The following LRRC7 variants were observed in gnomAD, a reference collection of about 807,000 sequenced individuals.
LRRC7 encodes the protein leucine-rich repeat-containing protein 7.
LRRC7 carries 23 observed loss-of-function variants against 175.7 expected under a neutral mutation model. That is an observed-to-expected ratio of 0.13 (90% CI 0.09 to 0.19). The LOEUF (loss-of-function observed/expected upper bound fraction) is 0.19, where lower values mean the gene tolerates loss of function less well. LRRC7 is among the 10% of genes least tolerant of loss of function. LRRC7 has a pLI of 1.00. For missense variants in LRRC7, 1,354 were observed against 1,904.7 expected, an observed-to-expected ratio of 0.71 and a Z score of 5.38; for synonymous variants, 685 against 680.9, an observed-to-expected ratio of 1.01 and a Z score of -0.09.
intron 8 of LRRC7, among the ~76,000 whole-genome samples, chr1:69,939,528 C>T (rs1168435435): frequency 2.6e-5 from 4 of 152,074 alleles, no homozygotes; most frequent in Non-Finnish European, 5.9e-5. Flanking sequence ...TAGAGCCTAA[C>T]ATGGAGCCAC....
At chr1:70,029,362 T>A (rs11209585) in intron 18 of LRRC7, among the ~76,000 whole-genome samples, 2 of 151,892 alleles carry the variant, frequency 1.3e-5, no homozygotes, top group African/African-American at 4.8e-5. Context: ...AGGGTGATTC[T>A]GTTAAAGAGG....
At chr1:69,899,431 G>C (rs895371700) in intron 7 of LRRC7, among the ~76,000 whole-genome samples, 1 of 152,092 alleles carries the variant, frequency 6.6e-6, no homozygotes, top group African/African-American at 2.4e-5. Flanking sequence ...AGATGCCAGG[G>C]AGCCAATAAA....
chr1:69,705,322 A>C (rs1247956613), intron 2 of LRRC7, among the ~76,000 whole-genome samples: 2 of 152,164 alleles, frequency 1.3e-5, no homozygotes, highest in Non-Finnish European at 2.9e-5. Context: ...GGACACTGGT[A>C]GAAGCACAGC....
chr1:70,003,342 C>A (rs1364709156), intron 11 of LRRC7, among the ~76,000 whole-genome samples: 1 of 152,096 alleles, frequency 6.6e-6, no homozygotes, highest in African/African-American at 2.4e-5. Context: ...AACATTCAGT[C>A]CATAACATAT....
At chr1:69,885,032 G>C (rs959938433) in intron 7 of LRRC7, among the ~76,000 whole-genome samples, 11 of 142,220 alleles carry the variant, frequency 7.7e-5, no homozygotes, top group African/African-American at 2.7e-4. Flanking sequence ...ATTTTATTGA[G>C]GATTTTTGCA....
At chr1:69,796,318 T>C (rs907783435) in intron 4 of LRRC7, among the ~76,000 whole-genome samples, 3 of 151,854 alleles carry the variant, frequency 2.0e-5, no homozygotes, top group African/African-American at 7.3e-5. Context: ...CTCCAGCTGG[T>C]CATCTCTCTT....
At chr1:69,622,868 T>C (rs1432924537) in intron 1 of LRRC7, among the ~76,000 whole-genome samples, 2 of 152,106 alleles carry the variant, frequency 1.3e-5, no homozygotes, top group Non-Finnish European at 2.9e-5. Context: ...TTACTAAATA[T>C]AGGCCAGGAT....
intron 25 of LRRC7, among the ~76,000 whole-genome samples, chr1:70,098,242 T>C (rs1254988253): frequency 6.6e-6 from 1 of 152,158 alleles, no homozygotes; most frequent in African/African-American, 2.4e-5. Flanking sequence ...ATGTGTTTTT[T>C]GGCTGCATAA....
chr1:69,947,721 C>G (rs1649486842), intron 8 of LRRC7, among the ~76,000 whole-genome samples: 1 of 152,114 alleles, frequency 6.6e-6, no homozygotes, highest in South Asian at 2.1e-4. Context: ...AGAGGATATG[C>G]TTCAAAACCC....
At chr1:69,920,536 A>G (rs968281151) in intron 7 of LRRC7, among the ~76,000 whole-genome samples, 5 of 152,150 alleles carry the variant, frequency 3.3e-5, no homozygotes, top group African/African-American at 7.2e-5. Flanking sequence ...CTGAAGCATA[A>G]GATATCACTC....
intron 7 of LRRC7, among the ~76,000 whole-genome samples, chr1:69,906,318 A>G (rs1460476279): frequency 1.3e-5 from 2 of 152,076 alleles, no homozygotes; most frequent in African/African-American, 4.8e-5. Flanking sequence ...GGTGTTTTAG[A>G]CATGAAGTCC....
rs1471311488 is a variant in LRRC7 at position 70,132,056 on chromosome 1, T to C, written c.*10169T>C. 1 of 152,088 alleles carries C rather than the reference T, an allele frequency of 6.6e-6. No homozygotes were observed. The highest frequency in any genetic ancestry group is 1.9e-4 in the East Asian group (1 of 5,196). 9.4% of individuals were successfully genotyped at this position (152,088 alleles called of 1,614,324 possible). ...AATGAGAAAGACAAAAGAAGGGCAA[T>C]AGAGGACTGATACAGAGAATCAGAG... On this transcript the variant is annotated 3_prime_UTR_variant, in exon 27 of 27. Transcript: ENST00000651989.
intron 1 of LRRC7, among the ~76,000 whole-genome samples, chr1:69,641,011 A>G (rs536398596): frequency 6.6e-6 from 1 of 151,756 alleles, no homozygotes; most frequent in Admixed American, 6.6e-5. Flanking sequence ...TCAATAAAAT[A>G]TTTTTGGTGA....
At chr1:69,662,734 G>C (rs1419276237) in intron 1 of LRRC7, among the ~76,000 whole-genome samples, 1 of 152,164 alleles carries the variant, frequency 6.6e-6, no homozygotes, top group Non-Finnish European at 1.5e-5. Flanking sequence ...ACTGTCATTT[G>C]CAGTTCAAAT....
chr1:69,693,472 T>C (rs1662161961), intron 2 of LRRC7, among the ~76,000 whole-genome samples: 1 of 152,136 alleles, frequency 6.6e-6, no homozygotes, highest in African/African-American at 2.4e-5. Context: ...GCTGGAGACC[T>C]AGGGAGGAGT....
At chr1:70,020,743 C>A in intron 15 of LRRC7, 1 of 223,882 alleles carries the variant, frequency 4.5e-6, no homozygotes, top group African/African-American at 2.3e-5. Flanking sequence ...TATGGGGACC[C>A]CATTTCCTAC....
intron 11 of LRRC7, among the ~76,000 whole-genome samples, chr1:70,005,218 A>G (rs766100487): frequency 3.9e-5 from 6 of 152,182 alleles, no homozygotes; most frequent in Non-Finnish European, 8.8e-5. Flanking sequence ...GCTATTAAGT[A>G]TCTACACTAG....
intron 4 of LRRC7, among the ~76,000 whole-genome samples, chr1:69,801,943 T>C (rs1676559156): frequency 6.6e-6 from 1 of 151,462 alleles, no homozygotes; most frequent in African/African-American, 2.4e-5. Context: ...TCAAAATTTT[T>C]TTTTCTAATT....
rs747369278 is a variant in LRRC7, at chr1:70,135,132, T to C, written c.*13245T>C. Reference sequence around the variant, plus strand: ...ATTTCTTTTTTCCTTTCTTTTCTTTTGCACTACCTCAGATTTTTGGTATCC... The same window carrying C: ...ATTTCTTTTTTCCTTTCTTTTCTTTCGCACTACCTCAGATTTTTGGTATCC... On this transcript the variant is annotated 3_prime_UTR_variant, in exon 27 of 27. Coordinates refer to ENST00000651989, the MANE Select transcript of LRRC7 (RefSeq NM_001370785.2). Among the ~76,000 whole-genome samples the C allele has an allele frequency of 4.9e-4, 75 of 152,336 alleles. No homozygotes were observed. The highest frequency in any genetic ancestry group is 5.8e-4 in the East Asian group (3 of 5,192).
Sources: allele counts gnomAD v4.1 joint callset (sites outside exome capture counted in the v4.1 genomes callset), GRCh38; gene constraint gnomAD v4.1.1; transcripts MANE v1.5; gene names NCBI Gene and HGNC (gene_info 2026-07-23, HGNC 2026-07-21).